SGCD: variants seen among roughly 807,000 people sequenced by gnomAD.
SGCD encodes the protein delta-sarcoglycan.
Under a neutral mutation model 36.6 loss-of-function variants are expected in SGCD, and 18 were observed. The ratio of observed to expected loss-of-function variants is 0.49; its 90% CI spans 0.34 to 0.73. The LOEUF (loss-of-function observed/expected upper bound fraction) is 0.73, where lower values mean the gene tolerates loss of function less well. Ranked by LOEUF, SGCD falls within the 30% of genes least tolerant of loss-of-function variation. The probability of loss-of-function intolerance (pLI) is 0.01; values close to 1 mark genes in which losing one functional copy is unlikely to be tolerated. For missense variants in SGCD, 387 were observed against 346.7 expected (o/e 1.12, Z -0.92); for synonymous variants, 133 against 130.6 (o/e 1.02, Z -0.12).
At chr5:156,150,759 G>T (rs766686997) in intron 3 of SGCD, among the ~76,000 whole-genome samples, 3 of 151,562 alleles carry the variant, frequency 2.0e-5, no homozygotes, top group Non-Finnish European at 2.9e-5. Flanking sequence ...GCGGTGACTT[G>T]CTTTCTCTTA....
rs539650039 is a variant in SGCD at position 156,473,002 on chromosome 5, A to C, written c.193-35599A>C. Among the ~76,000 whole-genome samples, 3 of 152,350 alleles carry C rather than the reference A, an allele frequency of 2.0e-5. No individual in the cohort carries two copies. The South Asian group carries it at 6.2e-4, about 32-fold the overall frequency. On this transcript the variant is annotated intron_variant, in intron 3 of 8. Transcript: ENST00000337851. ...TTTCACTGTATATAAATTTGCCTACAGTAAAAAAAATAGCTGGTAGAATTC... is the reference window on the plus strand; with the variant it reads ...TTTCACTGTATATAAATTTGCCTACCGTAAAAAAAATAGCTGGTAGAATTC...
the SGCD span, among the ~76,000 whole-genome samples, chr5:155,806,347 G>A: frequency 3.3e-5 from 5 of 152,072 alleles, no homozygotes; most frequent in Non-Finnish European, 5.9e-5. Context: ...TAGAGACAGG[G>A]TTTCACCATT....
the SGCD span, among the ~76,000 whole-genome samples, chr5:155,735,705 T>G: frequency 6.6e-6 from 1 of 152,206 alleles, no homozygotes; most frequent in African/African-American, 2.4e-5. Context: ...ATGAAGCTCT[T>G]GCTGAAAACG....
chr5:156,718,716 A>G (rs1322289312), intron 7 of SGCD, among the ~76,000 whole-genome samples: 5 of 151,374 alleles, frequency 3.3e-5, no homozygotes, highest in African/African-American at 1.2e-4. Flanking sequence ...CATCTATAAT[A>G]CCAGCACTTT....
intron 3 of SGCD, among the ~76,000 whole-genome samples, chr5:156,487,679 T>C (rs1228433192): frequency 1.3e-5 from 2 of 148,850 alleles, no homozygotes; most frequent in Admixed American, 6.8e-5. Flanking sequence ...TCCCAGCTAT[T>C]CAGGAGGCTG....
the SGCD span, among the ~76,000 whole-genome samples, chr5:155,809,223 T>G: frequency 0.048 from 7,303 of 152,284 alleles, 227 homozygotes; most frequent in Middle Eastern, 0.14. Context: ...ATCCACCGAC[T>G]GGCACTGGAA....
chr5:156,105,479 A>G (rs1761623228), intron 1 of SGCD, among the ~76,000 whole-genome samples: 1 of 152,208 alleles, frequency 6.6e-6, no homozygotes, highest in African/African-American at 2.4e-5. Flanking sequence ...TCAATTATAA[A>G]TTTACATAAT....
chr5:155,876,488 A>C (rs1755771030), intron 1 of SGCD, among the ~76,000 whole-genome samples: 1 of 152,060 alleles, frequency 6.6e-6, no homozygotes, highest in South Asian at 2.1e-4. Flanking sequence ...AAGTGCCTCA[A>C]ATCAACACTT....
intron 3 of SGCD, among the ~76,000 whole-genome samples, chr5:156,285,444 C>T (rs1245428609): frequency 6.6e-6 from 1 of 152,126 alleles, no homozygotes; most frequent in East Asian, 1.9e-4. Flanking sequence ...CTACAGTAAC[C>T]AAAACAGCAT....
At chr5:156,277,847 T>A (rs554104372) in intron 3 of SGCD, among the ~76,000 whole-genome samples, 1 of 152,196 alleles carries the variant, frequency 6.6e-6, no homozygotes. Context: ...TCATACTTGC[T>A]ATGGATGAGT....
intron 7 of SGCD, among the ~76,000 whole-genome samples, chr5:156,689,274 G>A (rs1033066123): frequency 2.0e-5 from 3 of 152,132 alleles, no homozygotes; most frequent in Admixed American, 6.6e-5. Context: ...AGTATAAAAT[G>A]TTGTTTAAAA....
At chr5:156,168,548 C>A (rs907100449) in intron 3 of SGCD, among the ~76,000 whole-genome samples, 3 of 152,166 alleles carry the variant, frequency 2.0e-5, no homozygotes, top group Non-Finnish European at 4.4e-5. Context: ...GCACTCCAGC[C>A]GAAGTAATGC....
chr5:156,338,512 C>T (rs1270428234), intron 2 of SGCD, among the ~76,000 whole-genome samples: 2 of 152,178 alleles, frequency 1.3e-5, no homozygotes, highest in Admixed American at 1.3e-4. Context: ...GGAAAGTCAG[C>T]ATGGTATAAA....
intron 3 of SGCD, among the ~76,000 whole-genome samples, chr5:156,318,215 G>T (rs1767568962): frequency 6.6e-6 from 1 of 152,144 alleles, no homozygotes; most frequent in African/African-American, 2.4e-5. Context: ...CATAGGAATA[G>T]CTAAATCTTC....
chr5:155,971,632 C>T (rs1186041684), intron 1 of SGCD, among the ~76,000 whole-genome samples: 6 of 151,972 alleles, frequency 3.9e-5, no homozygotes, highest in Admixed American at 6.6e-5. Flanking sequence ...AATTGAGATA[C>T]GGGGTCAGGG....
rs180704384 is a variant in SGCD at position 156,313,492 on chromosome 5, G to C, written c.-43-16042G>C. Among the ~76,000 whole-genome samples, 52 of 152,106 alleles carry C rather than the reference G, an allele frequency of 3.4e-4. 1 individual carries two copies. The highest frequency in any genetic ancestry group is 1.1e-3 in the African/African-American group (45 of 41,544). On this transcript the variant is annotated intron_variant, in intron 3 of 9. Coordinates refer to the SGCD transcript ENST00000517913. ...ACACAGTGAGTACTTAGTAAATGTT[G>C]GCTGCTATGGTTATATGTAAATATT...
chr5:156,389,144 C>A (rs1028526467), intron 3 of SGCD, among the ~76,000 whole-genome samples: 2 of 152,302 alleles, frequency 1.3e-5, no homozygotes, highest in Non-Finnish European at 2.9e-5. Flanking sequence ...CAATGATAAA[C>A]CTCTGCATTT....
intron 6 of SGCD, among the ~76,000 whole-genome samples, chr5:156,597,693 CCT>C (rs1381617953): frequency 1.3e-5 from 2 of 152,162 alleles, no homozygotes; most frequent in Non-Finnish European, 2.9e-5. Context: ...TTCTTTTCCC[CCT>C]CTGTGTCCTC....
chr5:156,210,195 G>A lies in SGCD; in HGVS notation c.-44+86176G>A, dbSNP rs192823780. On this transcript the variant is annotated intron_variant, in intron 3 of 9. Transcript: ENST00000517913. ...CACCCATCTGCCGACCCAGGCAATA[G>A]GCACCCATCTGCTCACCTAGGCCAG... Among the ~76,000 whole-genome samples the A allele has an allele frequency of 7.0e-4, 106 of 151,976 alleles. No individual in the cohort carries two copies. In the Middle Eastern group the frequency reaches 0.01, roughly 15 times the overall value.
Sources: gnomAD v4.1 joint callset for allele counts (sites outside exome capture counted in the v4.1 genomes callset) on GRCh38, gnomAD v4.1.1 for gene constraint, MANE v1.5 for transcripts, NCBI Gene and HGNC (gene_info 2026-07-23, HGNC 2026-07-21) for gene names.